Variants in MME observed in about 807,000 individuals in gnomAD.
MME encodes the protein neprilysin.
Under a neutral mutation model 113.2 loss-of-function variants are expected in MME, and 98 were observed. That is an observed-to-expected ratio of 0.87 (90% CI 0.74 to 1.02). The LOEUF is 1.02. Among genes scored for constraint, MME ranks in the 50% least tolerant of loss-of-function variants. The pLI is 0.00. For synonymous variants in MME, 292 were observed against 300.6 expected, an observed-to-expected ratio of 0.97 and a Z score of 0.30; for missense variants, 836 against 896.0, an observed-to-expected ratio of 0.93 and a Z score of 0.86.
intron 3 of MME, among the ~76,000 whole-genome samples, chr3:155,108,596 C>CA (rs1171566927): frequency 0.018 from 1,553 of 86,302 alleles, 13 homozygotes; most frequent in African/African-American, 0.041. Flanking sequence ...GACTTCATCT[C>CA]AAAAAAAAAA....
At chr3:155,123,499 G>C (rs1210820474) in intron 8 of MME, among the ~76,000 whole-genome samples, 2 of 35,360 alleles carry the variant, frequency 5.7e-5, no homozygotes, top group African/African-American at 2.1e-4. Flanking sequence ...AGTTGATGCA[G>C]TTTCTTCCTA....
intron 1 of MME, among the ~76,000 whole-genome samples, chr3:155,063,197 TTA>T (rs200059141): frequency 0.022 from 2,723 of 124,280 alleles, 46 homozygotes; most frequent in Non-Finnish European, 0.037. Context: ...TATATATTAT[TTA>T]TATATTATAT....
chr3:155,077,839 AAATT>A (rs1714808576), upstream of MME, among the ~76,000 whole-genome samples: 1 of 152,102 alleles, frequency 6.6e-6, no homozygotes, highest in Non-Finnish European at 1.5e-5. Context: ...TCAGAGTCTA[AAATT>A]AACTCTAAGT....
At chr3:155,180,311 G>T in intron 22 of MME, 49 bp from the exon 23 acceptor site, 1 of 1,315,780 alleles carries the variant, frequency 7.6e-7, no homozygotes, top group South Asian at 1.2e-5. Context: ...AGTGTGGTAT[G>T]GACGTGAGTA....
At chr3:155,135,634 A>G (rs1720562740) in intron 8 of MME, among the ~76,000 whole-genome samples, 2 of 152,102 alleles carry the variant, frequency 1.3e-5, no homozygotes, top group Non-Finnish European at 2.9e-5. Flanking sequence ...TTTTGGTTTT[A>G]TATGAATTTT....
chr3:155,151,724 T>C (rs1721949983), intron 16 of MME, among the ~76,000 whole-genome samples: 2 of 152,174 alleles, frequency 1.3e-5, no homozygotes, highest in South Asian at 4.1e-4. Flanking sequence ...TCCCTTTCTG[T>C]TATTCCTGAC....
intron 1 of MME, among the ~76,000 whole-genome samples, chr3:155,048,983 T>C (rs1182095325): frequency 1.3e-5 from 2 of 152,180 alleles, no homozygotes; most frequent in African/African-American, 4.8e-5. Flanking sequence ...ATGTTTAACT[T>C]ATTCATTAGT....
At chr3:155,051,510 A>T (rs1363896965) in intron 1 of MME, among the ~76,000 whole-genome samples, 1 of 152,226 alleles carries the variant, frequency 6.6e-6, no homozygotes, top group Non-Finnish European at 1.5e-5. Context: ...AGTGGAAAGC[A>T]AAACAGGCAC....
At chr3:155,140,410 CTTTTTTTTTTT>C in intron 10 of MME, 118 bp downstream of exon 10, 1 of 286,088 alleles carries the variant, frequency 3.5e-6, no homozygotes, top group Non-Finnish European at 6.2e-6. Context: ...ACTTCAATTC[CTTTTTTTTTTT>C]TTTTTTTTTT....
intron 10 of MME, among the ~76,000 whole-genome samples, chr3:155,141,523 C>T (rs139548555): frequency 6.6e-6 from 1 of 152,260 alleles, no homozygotes; most frequent in African/African-American, 2.4e-5. Flanking sequence ...TTCATAACAT[C>T]ACTGTACCAC....
At chr3:155,151,190 C>T (rs1334946293) in intron 16 of MME, among the ~76,000 whole-genome samples, 2 of 152,124 alleles carry the variant, frequency 1.3e-5, no homozygotes, top group Non-Finnish European at 2.9e-5. Context: ...TTCTACTTGT[C>T]CACATAGCCC....
chr3:155,163,864 T>A (rs1406512741), intron 17 of MME, among the ~76,000 whole-genome samples: 1 of 152,118 alleles, frequency 6.6e-6, no homozygotes, highest in Admixed American at 6.6e-5. Context: ...ATGTTTAGAC[T>A]ATGCATGGTG....
chr3:155,101,901 A>G (rs1576585111), intron 3 of MME, among the ~76,000 whole-genome samples: 2 of 152,278 alleles, frequency 1.3e-5, no homozygotes, highest in East Asian at 3.9e-4. Flanking sequence ...TGGAAAAAAA[A>G]TGTTTCTTCA....
intron 1 of MME, among the ~76,000 whole-genome samples, chr3:155,061,341 C>T (rs979274578): frequency 8.0e-5 from 12 of 150,386 alleles, no homozygotes; most frequent in African/African-American, 2.9e-4. Context: ...GTCCCAGCTA[C>T]TTGGGAGGCT....
chr3:155,040,821 T>A (rs902558044), intron 1 of MME, among the ~76,000 whole-genome samples: 1 of 152,190 alleles, frequency 6.6e-6, no homozygotes, highest in African/African-American at 2.4e-5. Flanking sequence ...TATAACCTTA[T>A]AATGTCATGA....
chr3:155,153,251 T>C (rs1722073799), intron 16 of MME, among the ~76,000 whole-genome samples: 1 of 152,106 alleles, frequency 6.6e-6, no homozygotes, highest in Non-Finnish European at 1.5e-5. Flanking sequence ...GGTCTCGAAC[T>C]CCTGACCTCA....
At chr3:155,110,923 A>T (rs970607927) in intron 3 of MME, among the ~76,000 whole-genome samples, 2 of 152,172 alleles carry the variant, frequency 1.3e-5, no homozygotes, top group Admixed American at 6.5e-5. Context: ...CCATGTCAAT[A>T]CATTTGCCTT....
chr3:155,025,815 C>T (rs1000673643), intron 1 of MME, among the ~76,000 whole-genome samples: 4 of 149,650 alleles, frequency 2.7e-5, no homozygotes, highest in Non-Finnish European at 5.9e-5. Context: ...CTGCCTCAGC[C>T]TCCCAAGTAG....
rs201256574 is a variant in MME at position 155,181,290 on chromosome 3, A to C, written c.*831A>C. The C allele has an allele frequency of 2.0e-5, 3 of 152,114 alleles. No homozygotes were observed. The highest frequency in any genetic ancestry group is 6.6e-5 in the Admixed American group (1 of 15,252). 9.4% of individuals were successfully genotyped at this position (152,114 alleles called of 1,614,324 possible). ...ATTGAAGTTTCAGCTTAAAATAAAC[A>C]GTTGTGAACCAAGATCTATAAAGCG... On this transcript the variant is annotated 3_prime_UTR_variant, in exon 23 of 23. Transcript: ENST00000360490.
Sources: allele counts gnomAD v4.1 joint callset (sites outside exome capture counted in the v4.1 genomes callset), GRCh38; gene constraint gnomAD v4.1.1; transcripts MANE v1.5; gene names NCBI Gene and HGNC (gene_info 2026-07-23, HGNC 2026-07-21).